SZT2: variants seen among roughly 807,000 people sequenced by gnomAD.
SZT2 encodes the protein KICSTOR complex protein SZT2.
In SZT2, 216 loss-of-function variants were observed where a neutral mutation model predicts 404.2. The ratio of observed to expected loss-of-function variants is 0.53; its 90% CI spans 0.48 to 0.60. The LOEUF is 0.60. Among genes scored for constraint, SZT2 ranks in the 20% least tolerant of loss-of-function variants. The pLI is 0.00. For synonymous variants in SZT2, 1,693 were observed against 1,749.9 expected (o/e 0.97, Z 0.81); for missense variants, 3,857 against 4,459.2 (o/e 0.86, Z 3.85).
Position 43,429,743 on chromosome 1 carries a change from A to T in SZT2, c.4207A>T (p.Thr1403Ser), listed in dbSNP as rs1247759701. 6.2e-7 allele frequency: 1 copy of T among 1,614,040 alleles called. No individual in the cohort carries two copies. Among genetic ancestry groups the T allele is most frequent in the African/African-American group, 1.3e-5 (1 of 74,926 alleles). The change falls in exon 29 of 72, where the codon ACC becomes TCC. Residue 1403 changes from threonine to serine, a missense_variant. Physicochemically the swap from Thr to Ser is moderately conservative, Grantham distance 58. Around this residue, in one of 7 missense-constraint regions of SZT2, gnomAD observed 1,725 missense variants for 1,881.0 expected, o/e 0.92. Transcript: ENST00000634258. ...EDLSEPEFQS[T>S]RVPGIPDPGP... Reference sequence around the variant, plus strand: ...CCTAAGCGAGCCTGAGTTTCAGAGCACCCGTGTCCCTGGCATTCCAGACCC... The same window carrying T: ...CCTAAGCGAGCCTGAGTTTCAGAGCTCCCGTGTCCCTGGCATTCCAGACCC...
chr1:43,412,959 G>T (rs972714879), intron 4 of SZT2, among the ~76,000 whole-genome samples: 1 of 152,114 alleles, frequency 6.6e-6, no homozygotes, highest in Non-Finnish European at 1.5e-5. Flanking sequence ...CTGCAATGAG[G>T]TATCATTTCA....
intron 1 of SZT2, 84 bp downstream of exon 1, chr1:43,390,079 G>T: frequency 7.5e-7 from 1 of 1,341,228 alleles, no homozygotes. Context: ...GCCTCCTCTA[G>T]GTCTGGGGGT....
chr1:43,427,591 T>C lies in SZT2; in HGVS notation c.3660T>C (p.Ala1220=), dbSNP rs1653319992. The C allele has an allele frequency of 6.2e-7, 1 of 1,614,220 alleles. No individual in the cohort carries two copies. Among genetic ancestry groups the C allele is most frequent in the Non-Finnish European group, 8.5e-7 (1 of 1,180,046 alleles). ...TCCGTCGAGACTTACAGGCTTACGC[T>C]GGGCGTCAGGCTTCCCAGACAGAGA... ...PPFRRDLQAY[A]GRQASQTESA... Residue 1220 remains alanine, a synonymous_variant, in exon 26 of 72, where the codon GCT becomes GCC. Coordinates refer to ENST00000634258, the MANE Select transcript of SZT2 (RefSeq NM_001365999.1).
intron 1 of SZT2, among the ~76,000 whole-genome samples, chr1:43,396,093 A>T (rs1461115205): frequency 6.6e-6 from 1 of 152,234 alleles, no homozygotes; most frequent in Non-Finnish European, 1.5e-5. Flanking sequence ...AGGTTTCCTG[A>T]GCAAGTATAA....
chr1:43,446,951 C>G lies in SZT2; in HGVS notation c.9073-4C>G. On this transcript the variant is annotated splice_polypyrimidine_tract_variant and splice_region_variant and intron_variant, in intron 65 of 71. Coordinates refer to ENST00000634258, the MANE Select transcript of SZT2 (RefSeq NM_001365999.1). ...AACCCTGTCTCCTGCTGCTGCCTCC[C>G]CAGCTGTCCATGCTGTTCACAGAGG... The G allele has an allele frequency of 6.2e-7, 1 of 1,606,448 alleles. No homozygotes were observed. The highest frequency in any genetic ancestry group is 2.2e-5 in the East Asian group (1 of 44,672).
Position 43,439,229 on chromosome 1 carries a change from A to T in SZT2, c.6793-129A>T. 6.6e-7 allele frequency: 1 copy of T among 1,520,136 alleles called. No homozygotes were observed. Among genetic ancestry groups the T allele is most frequent in the Non-Finnish European group, 9.1e-7 (1 of 1,102,500 alleles). 94.2% of individuals were successfully genotyped at this position (1,520,136 alleles called of 1,614,324 possible). A position where few individuals can be genotyped will look rare whatever the true frequency, so the allele number is the denominator to read the frequency against. On this transcript the variant is annotated intron_variant, in intron 48 of 71. Coordinates refer to ENST00000634258, the MANE Select transcript of SZT2 (RefSeq NM_001365999.1). This position sits in a 1 kb window ranked among gnomAD's most constrained non-coding sequence, Gnocchi z 4.2. Reference sequence around the variant, plus strand: ...GTACACCCATGCCCCCCCGGGGACCATTATTACCCGCCTGTGTCTTCTCAT... The same window carrying T: ...GTACACCCATGCCCCCCCGGGGACCTTTATTACCCGCCTGTGTCTTCTCAT...
rs1557580673 is a variant in SZT2 at position 43,436,678 on chromosome 1, C to T, written c.6035-493C>T. On this transcript the variant is annotated intron_variant, in intron 42 of 71. Transcript: ENST00000634258. Reference sequence around the variant, plus strand: ...AGGCATTGTACTGTGGCCATGGGCTCCTGTGTACTGCCACACTACCCTTTG... The same window carrying T: ...AGGCATTGTACTGTGGCCATGGGCTTCTGTGTACTGCCACACTACCCTTTG... The T allele has an allele frequency of 2.5e-5, 4 of 161,790 alleles. No individual in the cohort carries two copies. In the South Asian group the frequency reaches 6.9e-4, roughly 28 times the overall value. The allele number at this position is 161,790 out of a possible 1,614,324, so 10.0% of individuals were successfully genotyped here. A position where few individuals can be genotyped will look rare whatever the true frequency, so the allele number is the denominator to read the frequency against.
Position 43,437,323 on chromosome 1 carries a change from G to A in SZT2, c.6187G>A (p.Ala2063Thr). ...KMGPSMGVSRAIQALRSVLNA... is the reference protein window; with the variant it reads ...KMGPSMGVSRTIQALRSVLNA... ...GGGGCCCAGCATGGGGGTCTCTCGG[G>A]GTATGTGATTGGCATGAGAGGGCAG... The change falls in exon 43 of 72, where the codon GCC becomes ACC. Residue 2063 changes from alanine to threonine, a missense_variant and splice_region_variant. Coordinates refer to ENST00000634258, the MANE Select transcript of SZT2 (RefSeq NM_001365999.1). The surrounding 1 kb of genome is among the most constrained non-coding windows in gnomAD (Gnocchi z 5.3). The A allele has an allele frequency of 6.2e-7, 1 of 1,614,154 alleles. No individual in the cohort carries two copies. The highest frequency in any genetic ancestry group is 8.5e-7 in the Non-Finnish European group (1 of 1,180,018).
chr1:43,434,339 T>A (rs1239190136), intron 40 of SZT2, 47 bp from the exon 41 acceptor site: 2 of 1,502,924 alleles, frequency 1.3e-6, no homozygotes, highest in Admixed American at 4.0e-5. Flanking sequence ...CCATTACATA[T>A]AACTCCTCCC....
Position 43,442,993 on chromosome 1 carries a change from C to T in SZT2, c.8326C>T (p.Pro2776Ser), listed in dbSNP as rs1489090692. 1.6e-5 allele frequency: 26 copies of T among 1,614,052 alleles called. No individual in the cohort carries two copies. Among genetic ancestry groups the T allele is most frequent in the Non-Finnish European group, 2.0e-5 (24 of 1,180,026 alleles). Residue 2776 changes from proline to serine, a missense_variant, in exon 59 of 72, where the codon CCC (proline) becomes TCC (serine). Physicochemically the swap from Pro to Ser is moderately conservative, Grantham distance 74. Around this residue, in one of 7 missense-constraint regions of SZT2, gnomAD observed 717 missense variants for 868.2 expected, o/e 0.83. Coordinates refer to ENST00000634258, the MANE Select transcript of SZT2 (RefSeq NM_001365999.1). The surrounding 1 kb of genome is among the most constrained non-coding windows in gnomAD (Gnocchi z 4.5). ...CCTAAGGGATATCACGGCTGCCCGCCCCAGCTCCGTACTTGGTCCTGTGCC... is the reference window on the plus strand; with the variant it reads ...CCTAAGGGATATCACGGCTGCCCGCTCCAGCTCCGTACTTGGTCCTGTGCC... ...EALRDITAAR[P>S]SSVLGPVPRP...
At position 43,395,861 on chromosome 1, in the gene SZT2, G is replaced by A. The variant is rs535686298; in HGVS notation, c.27+5866G>A. ...CTTGCCTTTGTTCTTTTTGGAGTTC[G>A]ATGAGGACATGATGGCACCCTGAAC... On this transcript the variant is annotated intron_variant, in intron 1 of 71. Transcript: ENST00000634258. Among the ~76,000 whole-genome samples, 6 of 152,312 alleles carry A rather than the reference G, an allele frequency of 3.9e-5. No individual in the cohort carries two copies. In the South Asian group the frequency reaches 6.2e-4, roughly 16 times the overall value.
chr1:43,427,652 A>G lies in SZT2; in HGVS notation c.3721A>G (p.Ile1241Val). ...DGPRTRCPVY[I>V]YSCSLEALRE... Reference sequence around the variant, plus strand: ...GCCCCGGACCCGGTGTCCTGTCTACATCTACAGCTGTTCACTGGAAGCGCT... The same window carrying G: ...GCCCCGGACCCGGTGTCCTGTCTACGTCTACAGCTGTTCACTGGAAGCGCT... Residue 1241 changes from isoleucine to valine, a missense_variant, in exon 26 of 72, where the codon ATC (isoleucine) becomes GTC (valine). Ile to Val is a conservative substitution (Grantham distance 29, BLOSUM62 3). Coordinates refer to ENST00000634258, the MANE Select transcript of SZT2 (RefSeq NM_001365999.1). The G allele has an allele frequency of 6.2e-7, 1 of 1,614,138 alleles. No homozygotes were observed.
intron 1 of SZT2, among the ~76,000 whole-genome samples, chr1:43,402,331 A>G (rs1018859213): frequency 6.6e-6 from 1 of 152,186 alleles, no homozygotes. Context: ...ACTGTGGGCA[A>G]GTTTATCTGC....
chr1:43,415,285 G>A, intron 5 of SZT2, 72 bp downstream of exon 5: 7 of 1,562,584 alleles, frequency 4.5e-6, no homozygotes, highest in Non-Finnish European at 6.0e-6. Context: ...CAGAGAGGAG[G>A]GATAGTCCAA....
chr1:43,422,058 A>G (rs747647303), intron 11 of SZT2, 25 bp from the exon 12 acceptor site: 13 of 1,585,078 alleles, frequency 8.2e-6, no homozygotes, highest in East Asian at 2.2e-5. Flanking sequence ...AAATGCTCCT[A>G]TAGTGCTGTC....
rs1393112047 is a variant in SZT2, at chr1:43,422,147, C to T, written c.1691C>T (p.Pro564Leu). 6.3e-7 allele frequency: 1 copy of T among 1,597,694 alleles called. No individual in the cohort carries two copies. The highest frequency in any genetic ancestry group is 8.5e-7 in the Non-Finnish European group (1 of 1,179,390). ...SHAQFAAYWK[P>L]VLSMDANSWQ... ...GCCCAGTTTGCTGCCTACTGGAAGCCAGTGCTGTCCATGGATGCAAATTCC... is the reference window on the plus strand; with the variant it reads ...GCCCAGTTTGCTGCCTACTGGAAGCTAGTGCTGTCCATGGATGCAAATTCC... The change falls in exon 12 of 72, where the codon CCA becomes CTA. Residue 564 changes from proline (P) to leucine (L), a missense_variant. Transcript: ENST00000634258.
At chr1:43,408,582 T>A (rs1026080005) in intron 4 of SZT2, among the ~76,000 whole-genome samples, 8 of 152,208 alleles carry the variant, frequency 5.3e-5, no homozygotes, top group Non-Finnish European at 8.8e-5. Context: ...GCCTTTTTTT[T>A]ATTTTTTTAA....
intron 41 of SZT2, 40 bp downstream of exon 41, chr1:43,434,525 G>C: frequency 6.7e-7 from 1 of 1,496,720 alleles, no homozygotes; most frequent in Non-Finnish European, 9.1e-7. Flanking sequence ...ACACAGAGCA[G>C]ATGAGAACCA....
Position 43,424,488 on chromosome 1 carries a change from T to C in SZT2, c.2471+56T>C, listed in dbSNP as rs959432348. 2.1e-5 allele frequency: 32 copies of C among 1,545,766 alleles called. No homozygotes were observed. Among genetic ancestry groups the C allele is most frequent in the Middle Eastern group, 2.2e-4 (1 of 4,584 alleles). ...GGGCAAGGAGAGAGCAAGTGTAGACTGGGACACTAGCAAAAAGCCTATAGC... is the reference window on the plus strand; with the variant it reads ...GGGCAAGGAGAGAGCAAGTGTAGACCGGGACACTAGCAAAAAGCCTATAGC... On this transcript the variant is annotated intron_variant, in intron 16 of 71. Coordinates refer to ENST00000634258, the MANE Select transcript of SZT2 (RefSeq NM_001365999.1). The surrounding 1 kb of genome is among the most constrained non-coding windows in gnomAD (Gnocchi z 4.1).
Sources: gnomAD v4.1 joint callset for allele counts (sites outside exome capture counted in the v4.1 genomes callset) on GRCh38, gnomAD v4.1.1 for gene constraint, gnomAD v4.1.1 regional missense constraint, Gnocchi (gnomAD v3.1) non-coding constraint, MANE v1.5 for transcripts, NCBI Gene and HGNC (gene_info 2026-07-23, HGNC 2026-07-21) for gene names.